RPH3A: variants seen among roughly 807,000 people sequenced by gnomAD.
RPH3A encodes rabphilin 3A.
A neutral mutation model predicts 102.2 loss-of-function variants in RPH3A; 48 were observed. That is an observed-to-expected ratio of 0.47 (90% confidence interval 0.37 to 0.60). The LOEUF is 0.60. Among genes scored for constraint, RPH3A ranks in the 20% least tolerant of loss-of-function variants. RPH3A has a pLI of 0.00. For missense variants in RPH3A, 781 were observed against 910.1 expected (o/e 0.86, Z 1.83); for synonymous variants, 310 against 324.3 (o/e 0.96, Z 0.47).
At chr12:112,834,711 T>G (rs2042021017) in intron 3 of RPH3A, among the ~76,000 whole-genome samples, 1 of 152,224 alleles carries the variant, frequency 6.6e-6, no homozygotes, top group African/African-American at 2.4e-5. Context: ...TTAGACATAC[T>G]AATATAAAAT....
At chr12:112,589,141 A>G (rs2039458641) in intron 1 of RPH3A, among the ~76,000 whole-genome samples, 1 of 151,870 alleles carries the variant, frequency 6.6e-6, no homozygotes, top group African/African-American at 2.4e-5. Context: ...TAGTAGAATT[A>G]TGGAGAGATG....
At chr12:112,643,395 T>C (rs1339234118) in intron 1 of RPH3A, among the ~76,000 whole-genome samples, 1 of 152,190 alleles carries the variant, frequency 6.6e-6, no homozygotes, top group East Asian at 1.9e-4. Flanking sequence ...CAAATCAAGA[T>C]TAGGTAAATG....
chr12:112,886,344 A>G (rs1278149329), intron 16 of RPH3A, among the ~76,000 whole-genome samples: 1 of 151,974 alleles, frequency 6.6e-6, no homozygotes, highest in African/African-American at 2.4e-5. Flanking sequence ...TTTTCCATGA[A>G]CTGGGGTAGG....
At chr12:112,823,640 AT>A (rs1460940076) in intron 2 of RPH3A, among the ~76,000 whole-genome samples, 1 of 152,112 alleles carries the variant, frequency 6.6e-6, no homozygotes, top group Non-Finnish European at 1.5e-5. Flanking sequence ...ATTTGGTACT[AT>A]TTATGTGACA....
At chr12:112,822,943 G>A (rs2041806163) in intron 2 of RPH3A, among the ~76,000 whole-genome samples, 1 of 152,214 alleles carries the variant, frequency 6.6e-6, no homozygotes, top group South Asian at 2.1e-4. Flanking sequence ...GGACTGTAGG[G>A]GAATTTCTGT....
At position 112,858,324 on chromosome 12, in the gene RPH3A, G is replaced by A. The variant is rs541171289; in HGVS notation, c.231-7090G>A. 6.6e-4 allele frequency among the ~76,000 whole-genome samples: 99 copies of A among 149,614 alleles called. 1 individual carries two copies. Among genetic ancestry groups the A allele is most frequent in the African/African-American group, 2.2e-3 (88 of 40,562 alleles). ...AGAAAAGAAAAAGAAAAAAAAAGGC[G>A]GGCGGGGGTGAAGTTGGGTCTCCTC... On this transcript the variant is annotated intron_variant, in intron 5 of 21. Coordinates refer to ENST00000389385, the MANE Select transcript of RPH3A (RefSeq NM_001143854.2).
intron 1 of RPH3A, among the ~76,000 whole-genome samples, chr12:112,666,351 A>C (rs2040083499): frequency 2.0e-5 from 3 of 152,052 alleles, no homozygotes. Context: ...ATGTGACTAC[A>C]TTCTGGATTT....
chr12:112,770,825 C>T (rs539277740), intron 1 of RPH3A, among the ~76,000 whole-genome samples: 8 of 152,176 alleles, frequency 5.3e-5, no homozygotes, highest in Admixed American at 1.3e-4. Flanking sequence ...GGGATACCCC[C>T]AACGGTAGTG....
At chr12:112,840,890 A>C (rs1380742790) in intron 4 of RPH3A, among the ~76,000 whole-genome samples, 2 of 152,140 alleles carry the variant, frequency 1.3e-5, no homozygotes, top group African/African-American at 4.8e-5. Context: ...GACAGGCCCT[A>C]GAGAGCCCCC....
intron 1 of RPH3A, among the ~76,000 whole-genome samples, chr12:112,691,862 C>A (rs2040309386): frequency 6.6e-6 from 1 of 152,182 alleles, no homozygotes; most frequent in Non-Finnish European, 1.5e-5. Flanking sequence ...TGGACACCAT[C>A]ATTCCATTTT....
Position 112,791,867 on chromosome 12 carries a change from G to GGGGAGAGAGAGAGAGAGAGAGA in RPH3A, c.-284_-283insGGAGAGAGAGAGAGAGAGAGAG, listed in dbSNP as rs1555209147. 3.1e-4 allele frequency: 15 copies of GGGGAGAGAGAGAGAGAGAGAGA among 48,508 alleles called. No homozygotes were observed. Among genetic ancestry groups the GGGGAGAGAGAGAGAGAGAGAGA allele is most frequent in the African/African-American group, 1.2e-3 (13 of 10,430 alleles). 3.0% of individuals were successfully genotyped at this position (48,508 alleles called of 1,614,324 possible). The stretch of plus-strand genomic sequence containing the variant: ...CGCGGACTGGAAAGGAAGGGAGAAG[G>GGGGAGAGAGAGAGAGAGAGAGA]GAGAGAGAGAGAGAGAGAGAGAGAG... On this transcript the variant is annotated 5_prime_UTR_variant, in exon 1 of 22. Coordinates refer to ENST00000389385, the MANE Select transcript of RPH3A (RefSeq NM_001143854.2).
chr12:112,705,052 G>A (rs1175342822), intron 1 of RPH3A, among the ~76,000 whole-genome samples: 1 of 152,092 alleles, frequency 6.6e-6, no homozygotes, highest in East Asian at 1.9e-4. Context: ...GGCTCTATGT[G>A]GTGAAACTAT....
intron 5 of RPH3A, among the ~76,000 whole-genome samples, chr12:112,855,062 A>G (rs1397656818): frequency 6.6e-6 from 1 of 152,186 alleles, no homozygotes; most frequent in East Asian, 1.9e-4. Flanking sequence ...CCATGACAGG[A>G]AAGGGCAGGG....
intron 1 of RPH3A, among the ~76,000 whole-genome samples, chr12:112,606,539 G>A (rs1270904531): frequency 6.6e-6 from 1 of 152,052 alleles, no homozygotes; most frequent in Non-Finnish European, 1.5e-5. Flanking sequence ...CGCCACTATG[G>A]CTGGCTAATT....
intron 16 of RPH3A, among the ~76,000 whole-genome samples, chr12:112,884,392 C>T (rs1254287504): frequency 6.6e-6 from 1 of 152,190 alleles, no homozygotes; most frequent in Non-Finnish European, 1.5e-5. Context: ...ATCCTGAATT[C>T]TTTGGGTATC....
chr12:112,646,210 T>A (rs1303012205), intron 1 of RPH3A, among the ~76,000 whole-genome samples: 1 of 152,074 alleles, frequency 6.6e-6, no homozygotes, highest in African/African-American at 2.4e-5. Flanking sequence ...TAAAGAAAAA[T>A]TTATTATCAT....
chr12:112,809,128 T>A (rs1017940247), intron 2 of RPH3A, among the ~76,000 whole-genome samples: 2 of 152,156 alleles, frequency 1.3e-5, no homozygotes, highest in African/African-American at 4.8e-5. Context: ...AATGTTGGCA[T>A]CTGTATAATG....
At chr12:112,885,476 G>A (rs2042988659) in intron 16 of RPH3A, among the ~76,000 whole-genome samples, 1 of 152,152 alleles carries the variant, frequency 6.6e-6, no homozygotes, top group Non-Finnish European at 1.5e-5. Context: ...ATTACATTTT[G>A]TGGTTATTTC....
At chr12:112,780,855 A>G (rs1488747823) in intron 1 of RPH3A, among the ~76,000 whole-genome samples, 2 of 152,242 alleles carry the variant, frequency 1.3e-5, no homozygotes, top group Non-Finnish European at 2.9e-5. Context: ...GAAACTTCCT[A>G]TGAAATTATC....
Sources: allele counts gnomAD v4.1 joint callset (sites outside exome capture counted in the v4.1 genomes callset), GRCh38; gene constraint gnomAD v4.1.1; transcripts MANE v1.5; gene names NCBI Gene and HGNC (gene_info 2026-07-23, HGNC 2026-07-21).